FBXO11: variants seen among roughly 807,000 people sequenced by gnomAD.
FBXO11 encodes the protein F-box protein 11, also known as F-box only protein 11.
Under a neutral mutation model 117.0 loss-of-function variants are expected in FBXO11, and 13 were observed. The ratio of observed to expected loss-of-function variants is 0.11; its 90% CI spans 0.07 to 0.18. The LOEUF is 0.18. FBXO11 is among the 10% of genes least tolerant of loss of function. The pLI, the probability that FBXO11 is intolerant of heterozygous loss-of-function variation, is 1.00. For missense variants in FBXO11, 767 were observed against 1,164.4 expected (o/e 0.66, Z 4.97); for synonymous variants, 490 against 380.5 (o/e 1.29, Z -3.35).
intron 16 of FBXO11, among the ~76,000 whole-genome samples, chr2:47,815,531 G>T (rs1670945504): frequency 6.6e-6 from 1 of 152,230 alleles, no homozygotes; most frequent in African/African-American, 2.4e-5. Context: ...CTCTGGGTCA[G>T]AGTAGTCCGC....
At position 47,832,636 on chromosome 2, in the gene FBXO11, G is replaced by A. The variant is rs377222934; in HGVS notation, c.1196C>T (p.Thr399Ile). 3.1e-6 allele frequency: 5 copies of A among 1,613,798 alleles called. No individual in the cohort carries two copies. In the African/African-American group the frequency reaches 6.7e-5, roughly 22 times the overall value. The change falls in exon 10 of 23, where the codon ACC becomes ATC. Residue 399 changes from threonine to isoleucine, a missense_variant. Physicochemically the swap from Thr to Ile is moderately conservative, Grantham distance 89 (BLOSUM62 -1). Around this residue, in one of 10 missense-constraint regions of FBXO11, gnomAD observed 123 missense variants for 145.0 expected, o/e 0.85. Coordinates refer to ENST00000403359, the MANE Select transcript of FBXO11 (RefSeq NM_001190274.2). ...VCVSGQGACP[T>I]IKHCNISDCE... ...GTCACTGATGTTACAGTGCTTGATG[G>A]TGGGACATGCTCCTTGACCACTAAC...
At chr2:47,899,090 T>C (rs955541556) in intron 1 of FBXO11, among the ~76,000 whole-genome samples, 21 of 151,880 alleles carry the variant, frequency 1.4e-4, no homozygotes, top group African/African-American at 2.2e-4. Context: ...CTGGCTAACA[T>C]GGTGAAACCC....
rs571190204 is a variant in FBXO11 at position 47,820,279 on chromosome 2, C to T, written c.1797+83G>A. ...TTCATACCTCAAAAGTTGAATATGG[C>T]CTACCTAAAAGCTTGAGGAGAAACC... On this transcript the variant is annotated intron_variant, in intron 14 of 22. Coordinates refer to ENST00000403359, the MANE Select transcript of FBXO11 (RefSeq NM_001190274.2). The T allele has an allele frequency of 1.8e-5, 17 of 964,524 alleles. 1 individual carries two copies. The highest frequency in any genetic ancestry group is 4.4e-4 in the Middle Eastern group (2 of 4,538). 59.7% of individuals were successfully genotyped at this position (964,524 alleles called of 1,614,324 possible). A position where few individuals can be genotyped will look rare whatever the true frequency, so the allele number is the denominator to read the frequency against.
intron 1 of FBXO11, among the ~76,000 whole-genome samples, chr2:47,895,785 T>C (rs1335757283): frequency 1.3e-5 from 2 of 152,014 alleles, no homozygotes; most frequent in Non-Finnish European, 2.9e-5. Context: ...CTCTGCCTTC[T>C]GGTTTCAGGC....
chr2:47,894,797 T>C (rs1009984288), intron 1 of FBXO11, among the ~76,000 whole-genome samples: 1 of 152,164 alleles, frequency 6.6e-6, no homozygotes, highest in Non-Finnish European at 1.5e-5. Context: ...AAAAACAATG[T>C]TTATGATAAC....
intron 1 of FBXO11, among the ~76,000 whole-genome samples, chr2:47,843,865 C>T (rs7572674): frequency 5.3e-5 from 8 of 151,876 alleles, no homozygotes; most frequent in South Asian, 2.1e-4. Flanking sequence ...CTCAGCCTTC[C>T]GAGTAGCTGG....
Position 47,810,365 on chromosome 2 carries a change from A to G in FBXO11, c.2289T>C (p.Asn763=), listed in dbSNP as rs778400103. The G allele has an allele frequency of 7.4e-6, 12 of 1,611,284 alleles. No homozygotes were observed. Among genetic ancestry groups the G allele is most frequent in the East Asian group, 4.5e-5 (2 of 44,850 alleles). Reference sequence around the variant, plus strand: ...TGTTTTTCCTTAAGATTGGATGACTATTAGTGCTGATGAGAACACCTGCTT... The same window carrying G: ...TGTTTTTCCTTAAGATTGGATGACTGTTAGTGCTGATGAGAACACCTGCTT... ...NAQAGVLIST[N]SHPILRKNRI... The change falls in exon 19 of 23, where the codon AAT becomes AAC. Residue 763 remains asparagine, a synonymous_variant. Transcript: ENST00000403359.
At chr2:47,851,049 A>G (rs955442240) in intron 1 of FBXO11, among the ~76,000 whole-genome samples, 1 of 152,214 alleles carries the variant, frequency 6.6e-6, no homozygotes, top group African/African-American at 2.4e-5. Context: ...TCCAAGTTCA[A>G]TTGGACAATG....
intron 11 of FBXO11, among the ~76,000 whole-genome samples, chr2:47,823,849 ATTTTT>A (rs565340406): frequency 1.4e-5 from 2 of 147,622 alleles, no homozygotes; most frequent in South Asian, 2.1e-4. Flanking sequence ...AAATGTTTTA[ATTTTT>A]TTTTTTTTAA....
At chr2:47,839,395 T>C in intron 3 of FBXO11, 24 bp downstream of exon 3, 2 of 1,590,608 alleles carry the variant, frequency 1.3e-6, no homozygotes, top group Non-Finnish European at 1.7e-6. Flanking sequence ...TTTACCCTAT[T>C]TGTTACTTTC....
rs776128333 is a variant in FBXO11, at chr2:47,808,301, TA to T, written c.2654+27del. On this transcript the variant is annotated intron_variant, in intron 22 of 22. Coordinates refer to ENST00000403359, the MANE Select transcript of FBXO11 (RefSeq NM_001190274.2). ...AAAAGTGAGGGGGAAAGTAATTGGG[TA>T]ATATATCAAGCAAGTGTGCTACATA... 2.5e-6 allele frequency: 4 copies of T among 1,612,252 alleles called. No homozygotes were observed. The East Asian group carries it at 8.9e-5, about 36-fold the overall frequency.
At chr2:47,904,794 T>C (rs1364198968) in intron 1 of FBXO11, among the ~76,000 whole-genome samples, 1 of 151,722 alleles carries the variant, frequency 6.6e-6, no homozygotes, top group Non-Finnish European at 1.5e-5. Flanking sequence ...GGCCGATGGA[T>C]TCTATATTTA....
At chr2:47,902,779 TAC>T (rs1678394597) in intron 1 of FBXO11, among the ~76,000 whole-genome samples, 1 of 152,186 alleles carries the variant, frequency 6.6e-6, no homozygotes, top group Non-Finnish European at 1.5e-5. Context: ...TGATTTTATA[TAC>T]AGTCTGAACT....
intron 1 of FBXO11, among the ~76,000 whole-genome samples, chr2:47,882,590 T>A (rs1424039234): frequency 2.0e-5 from 3 of 152,180 alleles, no homozygotes. Context: ...AATCCCTGTG[T>A]CTCTTATTAT....
intron 11 of FBXO11, among the ~76,000 whole-genome samples, chr2:47,831,609 A>G (rs1267989903): frequency 1.3e-5 from 2 of 152,068 alleles, no homozygotes; most frequent in Non-Finnish European, 2.9e-5. Context: ...AATTTTACCA[A>G]TGCTGTATTA....
At chr2:47,830,201 A>G (rs74652085) in intron 11 of FBXO11, among the ~76,000 whole-genome samples, 2,600 of 152,276 alleles carry the variant, frequency 0.017, 78 homozygotes, top group African/African-American at 0.06. Context: ...CTTTCAAGCA[A>G]AGAAGAAAGA....
Position 47,905,762 on chromosome 2 carries a change from A to ACG in FBXO11, c.-44_-43dup. 1 of 1,265,510 alleles carries ACG rather than the reference A, an allele frequency of 7.9e-7. No homozygotes were observed. Among genetic ancestry groups the ACG allele is most frequent in the Non-Finnish European group, 1.0e-6 (1 of 978,154 alleles). The allele number at this position is 1,265,510 out of a possible 1,614,324, so 78.4% of individuals were successfully genotyped here. Reference sequence around the variant, plus strand: ...GCGGCGTTGGCGGAGGGACACACACACGCACACGCACAGCGAGCTTCGGGG... The same window carrying ACG: ...GCGGCGTTGGCGGAGGGACACACACACGCGCACACGCACAGCGAGCTTCGGGG... On this transcript the variant is annotated 5_prime_UTR_variant, in exon 1 of 23. Coordinates refer to ENST00000403359, the MANE Select transcript of FBXO11 (RefSeq NM_001190274.2).
chr2:47,872,053 C>T (rs1367276590), intron 1 of FBXO11, among the ~76,000 whole-genome samples: 1 of 152,154 alleles, frequency 6.6e-6, no homozygotes, highest in South Asian at 2.1e-4. Context: ...GTTTCTTTCA[C>T]GTTTTCTTTT....
intron 7 of FBXO11, among the ~76,000 whole-genome samples, chr2:47,833,345 G>A (rs912872278): frequency 3.9e-5 from 6 of 152,154 alleles, no homozygotes; most frequent in African/African-American, 1.4e-4. Flanking sequence ...ATGGTTTCTT[G>A]TGGAAACCAT....
Sources: gnomAD v4.1 joint callset for allele counts (sites outside exome capture counted in the v4.1 genomes callset) on GRCh38, gnomAD v4.1.1 for gene constraint, gnomAD v4.1.1 regional missense constraint, MANE v1.5 for transcripts, NCBI Gene and HGNC (gene_info 2026-07-23, HGNC 2026-07-21) for gene names.